Variants in HKDC1 observed in about 807,000 individuals in gnomAD.
HKDC1 encodes the protein hexokinase HKDC1.
Under a neutral mutation model 96.6 loss-of-function variants are expected in HKDC1, and 66 were observed. That is an observed-to-expected ratio of 0.68 (90% CI 0.56 to 0.84). The LOEUF is 0.84. Among genes scored for constraint, HKDC1 ranks in the 40% least tolerant of loss-of-function variants. The probability of loss-of-function intolerance (pLI) is 0.00; values close to 1 mark genes in which losing one functional copy is unlikely to be tolerated. For synonymous variants in HKDC1, 466 were observed against 473.1 expected (o/e 0.98, Z 0.20); for missense variants, 1,211 against 1,208.1 (o/e 1.00, Z -0.04).
chr10:69,235,627 C>T (rs762273725), intron 4 of HKDC1, among the ~76,000 whole-genome samples: 5 of 152,044 alleles, frequency 3.3e-5, no homozygotes, highest in African/African-American at 4.8e-5. Context: ...GCCAGCTGCT[C>T]TTATTAGAGA....
At chr10:69,256,112 G>T (rs534895448) in intron 12 of HKDC1, among the ~76,000 whole-genome samples, 1 of 152,110 alleles carries the variant, frequency 6.6e-6, no homozygotes. Flanking sequence ...CTCCAAGTGC[G>T]AGTGTATATG....
At chr10:69,259,975 C>G (rs923248811) in intron 15 of HKDC1, among the ~76,000 whole-genome samples, 4 of 152,176 alleles carry the variant, frequency 2.6e-5, no homozygotes, top group African/African-American at 9.7e-5. Context: ...TTAACCCAGG[C>G]CCATCCACTA....
At position 69,258,832 on chromosome 10, in the gene HKDC1, G is replaced by T. The variant is rs754159524; in HGVS notation, c.2089G>T (p.Gly697Trp). The change falls in exon 15 of 18, where the codon GGG becomes TGG. Residue 697 changes from glycine (G) to tryptophan (W), a missense_variant. Gly to Trp is a radical substitution (Grantham distance 184, BLOSUM62 -2). Coordinates refer to ENST00000354624, the MANE Select transcript of HKDC1 (RefSeq NM_025130.4). ...EDMRNIEMVE[G>W]GEGKMCINTE... ...CATGAGGAACATCGAGATGGTGGAG[G>T]GGGGTGAAGGGAAGATGTGCATCAA... 6.2e-7 allele frequency: 1 copy of T among 1,614,090 alleles called. No individual in the cohort carries two copies. The highest frequency in any genetic ancestry group is 1.7e-5 in the Admixed American group (1 of 60,000).
intron 1 of HKDC1, among the ~76,000 whole-genome samples, chr10:69,221,901 A>G (rs1476339248): frequency 6.6e-6 from 1 of 151,012 alleles, no homozygotes; most frequent in Non-Finnish European, 1.5e-5. Context: ...ACAGAGTGAG[A>G]CCCTGTCTGA....
In HKDC1 at chr10:69,233,121, T is replaced by C; in HGVS notation, c.483T>C (p.Thr161=). ...GLTFSFPCRQ[T]KLEEGVLLSW... is the part of the protein sequence containing the mutation. The stretch of plus-strand genomic sequence containing the variant: ...CTTTTTCTTTCCCCTGTCGACAGAC[T>C]AAACTGGAAGAGGTAAGGCGCGGAG... The change falls in exon 4 of 18, where the codon ACT becomes ACC. Residue 161 remains threonine (T), a synonymous_variant. Transcript: ENST00000354624. The C allele has an allele frequency of 1.2e-6, 2 of 1,614,006 alleles. No homozygotes were observed. The highest frequency in any genetic ancestry group is 2.2e-5 in the South Asian group (2 of 91,082).
At position 69,227,350 on chromosome 10, in the gene HKDC1, G is replaced by A. The variant is rs761117494; in HGVS notation, c.207G>A (p.Arg69=). 15 of 1,614,014 alleles carry A rather than the reference G, an allele frequency of 9.3e-6. No homozygotes were observed. The highest frequency in any genetic ancestry group is 2.2e-5 in the East Asian group (1 of 44,882). Residue 69 remains arginine (R), a synonymous_variant, in exon 2 of 18, where the codon AGG becomes AGA. Coordinates refer to ENST00000354624, the MANE Select transcript of HKDC1 (RefSeq NM_025130.4). ...TGAAGATGTTGCCCACCTTCGTCAGGGCCATTCCCGATGGTTCCGGTGAGT... is the reference window on the plus strand; with the variant it reads ...TGAAGATGTTGCCCACCTTCGTCAGAGCCATTCCCGATGGTTCCGGTGAGT... The part of the protein sequence containing the change: ...AAVKMLPTFV[R]AIPDGSENGE...
Position 69,244,167 on chromosome 10 carries a change from G to A in HKDC1, c.875+802G>A, listed in dbSNP as rs138725454. Among the ~76,000 whole-genome samples, 627 of 152,244 alleles carry A rather than the reference G, an allele frequency of 4.1e-3. 4 individuals carry two copies. Among genetic ancestry groups the A allele is most frequent in the Non-Finnish European group, 7.3e-3 (494 of 68,002 alleles). On this transcript the variant is annotated intron_variant, in intron 7 of 17. Coordinates refer to ENST00000354624, the MANE Select transcript of HKDC1 (RefSeq NM_025130.4). Reference sequence around the variant, plus strand: ...TTATTTTGATGCTCAAATTGTTTCAGATTTGGCCAAAGGAAGCCTCTGAAG... The same window carrying A: ...TTATTTTGATGCTCAAATTGTTTCAAATTTGGCCAAAGGAAGCCTCTGAAG...
chr10:69,225,054 T>C (rs565854058), intron 1 of HKDC1, among the ~76,000 whole-genome samples: 26 of 152,364 alleles, frequency 1.7e-4, no homozygotes, highest in South Asian at 4.1e-4. Context: ...AAACTGTTGC[T>C]GAGTTGACAT....
chr10:69,229,897 T>G (rs1843224507), intron 2 of HKDC1, among the ~76,000 whole-genome samples: 1 of 152,206 alleles, frequency 6.6e-6, no homozygotes, highest in Non-Finnish European at 1.5e-5. Flanking sequence ...TGAGATCATG[T>G]GGATGGCGTG....
chr10:69,238,910 T>G, intron 4 of HKDC1, 132 bp from the exon 5 acceptor site: 1 of 568,294 alleles, frequency 1.8e-6, no homozygotes, highest in South Asian at 2.4e-5. Context: ...AGCAATGTTT[T>G]AAAAAAATTG....
chr10:69,266,570 A>G (rs1318073660), intron 17 of HKDC1, 40 bp from the exon 18 acceptor site: 1 of 1,601,566 alleles, frequency 6.2e-7, no homozygotes, highest in South Asian at 1.1e-5. Context: ...TTCTGATTCT[A>G]CATGGAAGGG....
Position 69,261,262 on chromosome 10 carries a change from C to T in HKDC1, c.2340C>T (p.Ile780=), listed in dbSNP as rs749731681. Residue 780 remains isoleucine, a synonymous_variant, in exon 16 of 18, where the codon ATC becomes ATT. Transcript: ENST00000354624. ...QISERLRTRG[I]FETKFLSQIE... is the part of the protein sequence containing the mutation. Reference sequence around the variant, plus strand: ...CAGAGCGTCTCCGGACCAGGGGCATCTTCGAAACCAAGTTCCTGTCCCAGA... The same window carrying T: ...CAGAGCGTCTCCGGACCAGGGGCATTTTCGAAACCAAGTTCCTGTCCCAGA... The T allele has an allele frequency of 4.3e-6, 7 of 1,614,028 alleles. No homozygotes were observed. The African/African-American group carries it at 9.3e-5, about 22-fold the overall frequency.
intron 1 of HKDC1, among the ~76,000 whole-genome samples, chr10:69,226,586 T>G (rs1589401490): frequency 6.7e-6 from 1 of 149,672 alleles, no homozygotes. Context: ...ACCTGGGAGG[T>G]GGAGGCTGCA....
At chr10:69,264,975 G>A (rs959524748) in intron 16 of HKDC1, among the ~76,000 whole-genome samples, 2 of 150,472 alleles carry the variant, frequency 1.3e-5, no homozygotes, top group Non-Finnish European at 2.9e-5. Context: ...CCTTCTCTAA[G>A]GTTCTGATTG....
At chr10:69,250,760 G>C in intron 12 of HKDC1, 108 bp downstream of exon 12, 1 of 1,235,364 alleles carries the variant, frequency 8.1e-7, no homozygotes, top group Non-Finnish European at 1.1e-6. Context: ...GGGATCTTGG[G>C]TTCAGGGCAG....
At chr10:69,256,889 G>C in intron 12 of HKDC1, 147 bp from the exon 13 acceptor site, 1 of 660,992 alleles carries the variant, frequency 1.5e-6, no homozygotes. Flanking sequence ...TGTGCCCAGG[G>C]TTAGGGTTGT....
rs369845974 is a variant in HKDC1 at position 69,247,417 on chromosome 10, G to A, written c.1089G>A (p.Pro363=). ...REILVDLGLE[P]SEADCIAVQH... Reference sequence around the variant, plus strand: ...TCCTGGTGGACCTGGGTCTGGAACCGTCTGAGGCTGACTGCATTGCCGTCC... The same window carrying A: ...TCCTGGTGGACCTGGGTCTGGAACCATCTGAGGCTGACTGCATTGCCGTCC... Residue 363 remains proline, a synonymous_variant, in exon 9 of 18, where the codon CCG becomes CCA. Coordinates refer to ENST00000354624, the MANE Select transcript of HKDC1 (RefSeq NM_025130.4). The A allele has an allele frequency of 4.4e-5, 71 of 1,614,034 alleles. No homozygotes were observed. In the African/African-American group the frequency reaches 4.9e-4, roughly 11 times the overall value.
At chr10:69,264,749 T>C (rs1459254867) in intron 16 of HKDC1, among the ~76,000 whole-genome samples, 1 of 152,238 alleles carries the variant, frequency 6.6e-6, no homozygotes, top group African/African-American at 2.4e-5. Flanking sequence ...TATGGTCATA[T>C]AGGTTGTTTC....
chr10:69,231,337 G>T (rs1206204897), intron 2 of HKDC1, among the ~76,000 whole-genome samples: 1 of 152,172 alleles, frequency 6.6e-6, no homozygotes, highest in African/African-American at 2.4e-5. Flanking sequence ...GCTCCTTGGG[G>T]TGGATAGCTT....
Sources: allele counts gnomAD v4.1 joint callset (sites outside exome capture counted in the v4.1 genomes callset), GRCh38; gene constraint gnomAD v4.1.1; transcripts MANE v1.5; gene names NCBI Gene and HGNC (gene_info 2026-07-23, HGNC 2026-07-21).